PCDHAC1: variants seen among roughly 807,000 people sequenced by gnomAD.
PCDHAC1 encodes the protein protocadherin alpha subfamily C, 1, also known as protocadherin alpha-C1.
A neutral mutation model predicts 60.0 loss-of-function variants in PCDHAC1; 42 were observed. The ratio of observed to expected loss-of-function variants is 0.70; its 90% CI spans 0.55 to 0.90. PCDHAC1 has a LOEUF of 0.90. Among genes scored for constraint, PCDHAC1 ranks in the 40% least tolerant of loss-of-function variants. PCDHAC1 has a pLI of 0.00. For missense variants in PCDHAC1, 1,160 were observed against 1,222.3 expected, an observed-to-expected ratio of 0.95 and a Z score of 0.76; for synonymous variants, 468 against 499.3, an observed-to-expected ratio of 0.94 and a Z score of 0.84.
At chr5:140,989,105 T>G (rs550881823) in intron 3 of PCDHAC1, 2 of 152,232 alleles carry the variant, frequency 1.3e-5, no homozygotes, top group African/African-American at 4.8e-5. Flanking sequence ...GAAACAACTT[T>G]TGAATATATC....
chr5:140,929,681 AAG>A, intron 1 of PCDHAC1: 1 of 302,408 alleles, frequency 3.3e-6, no homozygotes, highest in Non-Finnish European at 6.3e-6. Flanking sequence ...AAAAATATGT[AAG>A]AGTCTGCTTT....
Position 141,011,514 on chromosome 5 carries a change from GT to G in PCDHAC1, c.*1584del, listed in dbSNP as rs35545269. 2 of 153,738 alleles carry G rather than the reference GT, an allele frequency of 1.3e-5. No homozygotes were observed. The highest frequency in any genetic ancestry group is 1.9e-4 in the East Asian group (1 of 5,186). The allele number at this position is 153,738 out of a possible 1,614,324, so 9.5% of individuals were successfully genotyped here. ...TACACCTGTGAAAAAGTGGAGTAGTGTTTTTTTAACCATTGTTAATCAGCTT... is the reference window on the plus strand; with the variant it reads ...TACACCTGTGAAAAAGTGGAGTAGTGTTTTTTAACCATTGTTAATCAGCTT... On this transcript the variant is annotated 3_prime_UTR_variant, in exon 4 of 4. Coordinates refer to ENST00000253807, the MANE Select transcript of PCDHAC1 (RefSeq NM_018898.5).
chr5:140,977,841 A>G lies in PCDHAC1; in HGVS notation c.2434-1108A>G, dbSNP rs76111417. On this transcript the variant is annotated intron_variant, in intron 1 of 3. Transcript: ENST00000253807. The stretch of plus-strand genomic sequence containing the variant: ...TTTTGAATGGTCTATTGATATTACT[A>G]TGGCTTTGTTTCTACCAAATATGGT... Among the ~76,000 whole-genome samples the G allele has an allele frequency of 8.3e-3, 1,257 of 152,348 alleles. 23 individuals carry two copies. Among genetic ancestry groups the G allele is most frequent in the African/African-American group, 0.028 (1,184 of 41,574 alleles).
chr5:140,938,899 A>C (rs1175857132), intron 1 of PCDHAC1, among the ~76,000 whole-genome samples: 1 of 151,886 alleles, frequency 6.6e-6, no homozygotes, highest in Non-Finnish European at 1.5e-5. Flanking sequence ...ACAGATGCGC[A>C]CACACACACA....
intron 1 of PCDHAC1, chr5:140,930,410 CAG>C (rs2086812971): frequency 6.7e-6 from 1 of 149,986 alleles, no homozygotes; most frequent in South Asian, 2.1e-4. Flanking sequence ...TTTTTTGAGA[CAG>C]GGGTCTCACT....
At chr5:141,002,702 G>A (rs2153975030) in intron 3 of PCDHAC1, among the ~76,000 whole-genome samples, 1 of 152,294 alleles carries the variant, frequency 6.6e-6, no homozygotes, top group South Asian at 2.1e-4. Context: ...GTTTAACTCT[G>A]TTGCACACAC....
chr5:140,960,395 AG>A (rs562972971), intron 1 of PCDHAC1, among the ~76,000 whole-genome samples: 1 of 152,150 alleles, frequency 6.6e-6, no homozygotes, highest in African/African-American at 2.4e-5. Context: ...TTAGGATGCA[AG>A]GGGGGGTGCC....
At chr5:140,978,301 C>T (rs1554239160) in intron 1 of PCDHAC1, among the ~76,000 whole-genome samples, 1 of 152,168 alleles carries the variant, frequency 6.6e-6, no homozygotes, top group Admixed American at 6.5e-5. Flanking sequence ...GGAAAGCACT[C>T]AGGAAGGAGC....
At chr5:140,944,543 G>C (rs2093667961) in intron 1 of PCDHAC1, among the ~76,000 whole-genome samples, 1 of 152,142 alleles carries the variant, frequency 6.6e-6, no homozygotes, top group South Asian at 2.1e-4. Context: ...AGTATTTAAA[G>C]ATCATAGTTT....
chr5:140,986,385 T>C (rs1554247992), intron 3 of PCDHAC1, among the ~76,000 whole-genome samples: 2 of 152,134 alleles, frequency 1.3e-5, no homozygotes, highest in Non-Finnish European at 1.5e-5. Context: ...GGAGGGACAT[T>C]AAAGGGCCAG....
At chr5:141,008,238 G>A (rs2098366224) in intron 3 of PCDHAC1, among the ~76,000 whole-genome samples, 1 of 152,046 alleles carries the variant, frequency 6.6e-6, no homozygotes, top group Admixed American at 6.6e-5. Context: ...TACTGCTCAG[G>A]GACACCAAAT....
At chr5:140,993,406 T>C (rs1382987714) in intron 3 of PCDHAC1, among the ~76,000 whole-genome samples, 2 of 150,998 alleles carry the variant, frequency 1.3e-5, no homozygotes, top group South Asian at 4.2e-4. Flanking sequence ...TTAACCACCT[T>C]CATCAGCATT....
At chr5:140,938,218 T>C (rs1050033125) in intron 1 of PCDHAC1, among the ~76,000 whole-genome samples, 1 of 152,210 alleles carries the variant, frequency 6.6e-6, no homozygotes, top group Admixed American at 6.5e-5. Flanking sequence ...AGTGCTGGGA[T>C]TACAGGCATA....
At position 140,960,518 on chromosome 5, in the gene PCDHAC1, G is replaced by A. The variant is rs555475003; in HGVS notation, c.2434-18431G>A. Among the ~76,000 whole-genome samples the A allele has an allele frequency of 2.6e-5, 4 of 152,176 alleles. No homozygotes were observed. The East Asian group carries it at 7.7e-4, about 29-fold the overall frequency. ...TTTGTTCCAAGCAGCAAACATAATG[G>A]GTATAGGAAAGAGAAACTGTGGCCT... On this transcript the variant is annotated intron_variant, in intron 1 of 3. Coordinates refer to ENST00000253807, the MANE Select transcript of PCDHAC1 (RefSeq NM_018898.5).
chr5:140,979,175 AAT>A, intron 2 of PCDHAC1, 168 bp downstream of exon 2: 3 of 951,630 alleles, frequency 3.2e-6, no homozygotes, highest in Non-Finnish European at 3.8e-6. Flanking sequence ...AAAGATCGCA[AAT>A]GGTCAGTGCC....
intron 1 of PCDHAC1, among the ~76,000 whole-genome samples, chr5:140,961,654 T>G (rs1554225528): frequency 6.6e-6 from 1 of 152,194 alleles, no homozygotes; most frequent in East Asian, 1.9e-4. Context: ...TGTGGTTAGT[T>G]TGAAGTTACC....
At chr5:140,949,360 T>G (rs1178484553) in intron 1 of PCDHAC1, among the ~76,000 whole-genome samples, 1 of 151,868 alleles carries the variant, frequency 6.6e-6, no homozygotes, top group South Asian at 2.1e-4. Context: ...TTTATTTTTT[T>G]GTCTAGTTGT....
chr5:140,959,031 G>A (rs1554223798), intron 1 of PCDHAC1, among the ~76,000 whole-genome samples: 1 of 151,806 alleles, frequency 6.6e-6, no homozygotes, highest in Non-Finnish European at 1.5e-5. Flanking sequence ...CTTTATCATG[G>A]GTATGTATGT....
intron 1 of PCDHAC1, among the ~76,000 whole-genome samples, chr5:140,936,113 G>A (rs1316824905): frequency 2.0e-5 from 3 of 151,964 alleles, no homozygotes; most frequent in South Asian, 2.1e-4. Context: ...GGCTGGTCTC[G>A]AACTCCTGAC....
Sources: allele counts gnomAD v4.1 joint callset (sites outside exome capture counted in the v4.1 genomes callset), GRCh38; gene constraint gnomAD v4.1.1; transcripts MANE v1.5; gene names NCBI Gene and HGNC (gene_info 2026-07-23, HGNC 2026-07-21).